Variants in PCNX3 observed in about 807,000 individuals in gnomAD.
The protein encoded by PCNX3 is pecanex-like protein 3.
Under a neutral mutation model 207.2 loss-of-function variants are expected in PCNX3, and 58 were observed. The observed-to-expected ratio is 0.28, with a 90% CI of 0.23 to 0.35. The LOEUF is 0.35. Ranked by LOEUF, PCNX3 falls within the 10% of genes least tolerant of loss-of-function variation. PCNX3 has a pLI of 1.00. For synonymous variants in PCNX3, 1,337 were observed against 1,183.5 expected (o/e 1.13, Z -2.66); for missense variants, 2,410 against 2,774.4 (o/e 0.87, Z 2.95).
rs376933642 is a variant in PCNX3 at position 65,619,632 on chromosome 11, C to T, written c.1801C>T (p.Pro601Ser). Residue 601 changes from proline (P) to serine (S), a missense_variant, in exon 7 of 35, where the codon CCA (proline) becomes TCA (serine). Physicochemically the swap from Pro to Ser is moderately conservative, Grantham distance 74. Coordinates refer to ENST00000355703, the MANE Select transcript of PCNX3 (RefSeq NM_032223.4). ...RHNAGSNPTPPASVMGSPPSS... is the reference protein window; with the variant it reads ...RHNAGSNPTPSASVMGSPPSS... The stretch of plus-strand genomic sequence containing the variant: ...CAATGCAGGCAGCAACCCCACCCCT[C>T]CAGCCTCTGTCATGGGCTCGCCGCC... The T allele has an allele frequency of 1.5e-4, 244 of 1,602,542 alleles. No homozygotes were observed. Among genetic ancestry groups the T allele is most frequent in the Non-Finnish European group, 2.9e-5 (34 of 1,178,480 alleles).
intron 1 of PCNX3, 39 bp from the exon 2 acceptor site, chr11:65,616,785 G>C (rs1357165886): frequency 6.3e-7 from 1 of 1,590,776 alleles, no homozygotes. Context: ...GTGGGGGCGA[G>C]GCTTTGTGAA....
rs887263138 is a variant in PCNX3, at chr11:65,618,835, G to A, written c.1473G>A (p.Thr491=). The A allele has an allele frequency of 1.7e-5, 27 of 1,610,948 alleles. No homozygotes were observed. The highest frequency in any genetic ancestry group is 2.2e-5 in the East Asian group (1 of 44,842). ...AGCGGCCATATGGGACCCAGCGGAC[G>A]CCTAGTACCGCCAGCGCTAAAACAC... is the stretch of plus-strand genomic sequence containing the variant. ...PPKRPYGTQR[T]PSTASAKTHA... The change falls in exon 6 of 35, where the codon ACG becomes ACA. Residue 491 remains threonine (T), a synonymous_variant. Coordinates refer to ENST00000355703, the MANE Select transcript of PCNX3 (RefSeq NM_032223.4).
Position 65,634,568 on chromosome 11 carries a change from G to A in PCNX3, c.4732G>A (p.Val1578Ile). The A allele has an allele frequency of 6.2e-7, 1 of 1,603,406 alleles. No individual in the cohort carries two copies. Among genetic ancestry groups the A allele is most frequent in the African/African-American group, 1.3e-5 (1 of 74,986 alleles). ...GGACCAGGATTGGAACTCCCCGCTG[G>A]TCACGCTGTGTTTTGGCCTGTGTGT... ...PVDQDWNSPLVTLCFGLCVLG... is the reference protein window; with the variant it reads ...PVDQDWNSPLITLCFGLCVLG... The change falls in exon 29 of 35, where the codon GTC becomes ATC. Residue 1578 changes from valine (V) to isoleucine (I), a missense_variant. Coordinates refer to ENST00000355703, the MANE Select transcript of PCNX3 (RefSeq NM_032223.4).
rs773706596 is a variant in PCNX3 at position 65,619,655 on chromosome 11, G to A, written c.1824G>A (p.Pro608=). 25 of 1,595,934 alleles carry A rather than the reference G, an allele frequency of 1.6e-5. No homozygotes were observed. Among genetic ancestry groups the A allele is most frequent in the South Asian group, 3.3e-5 (3 of 89,792 alleles). ...PTPPASVMGS[P]PSSLQEAQRG... ...CTCCAGCCTCTGTCATGGGCTCGCC[G>A]CCCAGGTGAGCACCTTGCCAGCTGT... is the stretch of plus-strand genomic sequence containing the variant. Residue 608 remains proline (P), a synonymous_variant, in exon 7 of 35, where the codon CCG becomes CCA. Transcript: ENST00000355703.
intron 8 of PCNX3, among the ~76,000 whole-genome samples, 177 bp from the exon 9 acceptor site, chr11:65,620,162 T>G (rs1033009634): frequency 6.6e-6 from 1 of 152,156 alleles, no homozygotes; most frequent in East Asian, 1.9e-4. Context: ...CTAGGACAGG[T>G]GACTGCCGCG....
rs371094648 is a variant in PCNX3, at chr11:65,617,966, G to T, written c.604G>T (p.Gly202Trp). The stretch of plus-strand genomic sequence containing the variant: ...TGGAGACCTTCCCCAGACGCCTCCA[G>T]GGGCTGTCCCAGACCCCTCTCTTGC... ...LIGDLPQTPP[G>W]AVPDPSLAST... The change falls in exon 6 of 35, where the codon GGG becomes TGG. Residue 202 changes from glycine (G) to tryptophan (W), a missense_variant. Transcript: ENST00000355703. The T allele has an allele frequency of 4.4e-6, 7 of 1,594,488 alleles. No homozygotes were observed. The Admixed American group carries it at 8.9e-5, about 20-fold the overall frequency.
At chr11:65,620,136 CA>C (rs1590874801) in intron 8 of PCNX3, among the ~76,000 whole-genome samples, 1 of 152,250 alleles carries the variant, frequency 6.6e-6, no homozygotes, top group African/African-American at 2.4e-5. Flanking sequence ...GCTTACAGTA[CA>C]GGGGAGATCT....
Position 65,620,362 on chromosome 11 carries a change from G to C in PCNX3, c.2032G>C (p.Gly678Arg). ...AGGTGTGCGGCGTTCCTACACCTTT[G>C]GCCTGGCTGGAGGCGGCTACGAGAA... ...ESGVRRSYTF[G>R]LAGGGYENPV... Residue 678 changes from glycine to arginine, a missense_variant, in exon 9 of 35, where the codon GGC becomes CGC. This residue lies in a region of PCNX3 where 1,104 missense variants were observed against 970.3 expected (regional missense o/e 1.14). Coordinates refer to ENST00000355703, the MANE Select transcript of PCNX3 (RefSeq NM_032223.4). 6.2e-7 allele frequency: 1 copy of C among 1,613,538 alleles called. No homozygotes were observed. Among genetic ancestry groups the C allele is most frequent in the Non-Finnish European group, 8.5e-7 (1 of 1,179,798 alleles).
At position 65,635,123 on chromosome 11, in the gene PCNX3, T is replaced by A. The variant is rs367555148; in HGVS notation, c.4953+3T>A. The A allele has an allele frequency of 1.2e-6, 2 of 1,612,398 alleles. No homozygotes were observed. Among genetic ancestry groups the A allele is most frequent in the African/African-American group, 2.7e-5 (2 of 74,842 alleles). ...GCATGGCCCTCAAGCTTCACCAGGT[T>A]GGGGAGGGGTGTGCCCAGCAGCATG... On this transcript the variant is annotated splice_donor_region_variant and intron_variant, in intron 30 of 34. Coordinates refer to ENST00000355703, the MANE Select transcript of PCNX3 (RefSeq NM_032223.4). This position sits in a 1 kb window ranked among gnomAD's most constrained non-coding sequence, Gnocchi z 9.9.
rs1477867813 is a variant in PCNX3, at chr11:65,625,061, G to T, written c.2919+45G>T. 6.3e-7 allele frequency: 1 copy of T among 1,588,546 alleles called. No homozygotes were observed. The highest frequency in any genetic ancestry group is 1.7e-4 in the Middle Eastern group (1 of 6,048). On this transcript the variant is annotated intron_variant, in intron 16 of 34. Transcript: ENST00000355703. The surrounding 1 kb of genome is among the most constrained non-coding windows in gnomAD (Gnocchi z 5.6). ...TGGGGGCATGCTGCAGTGCGTAAGG[G>T]TGGTTGGGGCGGGGCTGTGAACTGG...
chr11:65,632,653 G>GA (rs1855663591), intron 27 of PCNX3, among the ~76,000 whole-genome samples: 1 of 144,804 alleles, frequency 6.9e-6, no homozygotes, highest in Non-Finnish European at 1.5e-5. Flanking sequence ...GACCGTGAGT[G>GA]TTGTGTCAGA....
chr11:65,622,833 A>C (rs1252088748), intron 11 of PCNX3, among the ~76,000 whole-genome samples: 23 of 151,398 alleles, frequency 1.5e-4, no homozygotes, highest in Non-Finnish European at 2.7e-4. Flanking sequence ...TGATCTCCTG[A>C]CCTTGTGATC....
At chr11:65,619,489 C>T in intron 6 of PCNX3, 48 bp from the exon 7 acceptor site, 1 of 1,598,094 alleles carries the variant, frequency 6.3e-7, no homozygotes, top group Non-Finnish European at 8.5e-7. Flanking sequence ...CTCCCCCAGC[C>T]TTGTCTGAGC....
chr11:65,621,228 A>C (rs1011225346), intron 10 of PCNX3, among the ~76,000 whole-genome samples: 3 of 152,188 alleles, frequency 2.0e-5, no homozygotes, highest in Non-Finnish European at 4.4e-5. Context: ...TCCCACAGTG[A>C]ACAGGGGCCA....
At chr11:65,620,011 C>G in intron 8 of PCNX3, 79 bp downstream of exon 8, 1 of 1,417,686 alleles carries the variant, frequency 7.1e-7, no homozygotes, top group Non-Finnish European at 9.5e-7. Context: ...CAGTGGTGCT[C>G]GCTCGGCCCT....
chr11:65,616,498 G>A (rs1854736367), intron 1 of PCNX3, 34 bp downstream of exon 1: 1 of 1,579,398 alleles, frequency 6.3e-7, no homozygotes. Context: ...ACTCCAGCCG[G>A]GAGAGGGAGG....
At position 65,628,671 on chromosome 11, in the gene PCNX3, T is replaced by C; in HGVS notation, c.3779T>C (p.Phe1260Ser). The change falls in exon 23 of 35, where the codon TTC (phenylalanine) becomes TCC (serine). Residue 1260 changes from phenylalanine to serine, a missense_variant. Physicochemically the swap from Phe to Ser is radical, Grantham distance 155 (BLOSUM62 -2). Transcript: ENST00000355703. Reference protein sequence around the residue: ...APWQITWGSAFHAFAQPFAVP... With the variant: ...APWQITWGSASHAFAQPFAVP... The stretch of plus-strand genomic sequence containing the variant: ...TGGCAGATCACCTGGGGCTCGGCTT[T>C]CCACGCTTTTGCCCAGCCGTTTGCC... The C allele has an allele frequency of 6.2e-7, 1 of 1,609,172 alleles. No individual in the cohort carries two copies. The highest frequency in any genetic ancestry group is 8.5e-7 in the Non-Finnish European group (1 of 1,178,958).
At position 65,618,692 on chromosome 11, in the gene PCNX3, A is replaced by T. The variant is rs770698576; in HGVS notation, c.1330A>T (p.Thr444Ser). The change falls in exon 6 of 35, where the codon ACT becomes TCT. Residue 444 changes from threonine to serine, a missense_variant. Around this residue, in one of 8 missense-constraint regions of PCNX3, gnomAD observed 1,104 missense variants for 970.3 expected, o/e 1.14. Transcript: ENST00000355703. ...TCTCCGATCGCAGCGCCGCTACAGT[A>T]CTGACAGCTCCTCTTCTACTTCCTG... ...SSLRSQRRYS[T>S]DSSSSTSCYS... 19 of 1,613,156 alleles carry T rather than the reference A, an allele frequency of 1.2e-5. No individual in the cohort carries two copies. Among genetic ancestry groups the T allele is most frequent in the Admixed American group, 1.7e-5 (1 of 59,990 alleles).
At chr11:65,632,324 G>T (rs1053806928) in intron 27 of PCNX3, among the ~76,000 whole-genome samples, 1 of 151,634 alleles carries the variant, frequency 6.6e-6, no homozygotes, top group Non-Finnish European at 1.5e-5. Flanking sequence ...GGGGGAGGCG[G>T]GTGTGCTGGG....
Sources: gnomAD v4.1 joint callset for allele counts (sites outside exome capture counted in the v4.1 genomes callset) on GRCh38, gnomAD v4.1.1 for gene constraint, gnomAD v4.1.1 regional missense constraint, Gnocchi (gnomAD v3.1) non-coding constraint, MANE v1.5 for transcripts, NCBI Gene and HGNC (gene_info 2026-07-23, HGNC 2026-07-21) for gene names.